UHRF2: variants seen among roughly 807,000 people sequenced by gnomAD.
UHRF2 encodes the protein E3 ubiquitin-protein ligase UHRF2.
Under a neutral mutation model 96.8 loss-of-function variants are expected in UHRF2, and 23 were observed. That is an observed-to-expected ratio of 0.24 (90% CI 0.17 to 0.34). The LOEUF is 0.34. UHRF2 is among the 10% of genes least tolerant of loss of function. The pLI is 1.00. For synonymous variants in UHRF2, 385 were observed against 332.6 expected, an observed-to-expected ratio of 1.16 and a Z score of -1.72; for missense variants, 685 against 981.5, an observed-to-expected ratio of 0.70 and a Z score of 4.04.
At chr9:6,419,055 TA>T (rs1819772791) in intron 1 of UHRF2, among the ~76,000 whole-genome samples, 2 of 152,252 alleles carry the variant, frequency 1.3e-5, no homozygotes, top group Admixed American at 1.3e-4. Flanking sequence ...ACACTAGCCA[TA>T]TTGGATTAGG....
chr9:6,452,134 C>T (rs1821911447), intron 3 of UHRF2, among the ~76,000 whole-genome samples: 1 of 151,714 alleles, frequency 6.6e-6, no homozygotes, highest in Non-Finnish European at 1.5e-5. Flanking sequence ...GTATGTTTCT[C>T]ATTTCTTTTT....
intron 3 of UHRF2, among the ~76,000 whole-genome samples, chr9:6,446,465 G>A (rs11795048): frequency 6.6e-6 from 1 of 151,670 alleles, no homozygotes; most frequent in South Asian, 2.1e-4. Context: ...ATTTTTAGTA[G>A]AAGCAGGGTT....
chr9:6,443,969 A>G (rs1024060829), intron 3 of UHRF2, among the ~76,000 whole-genome samples: 1 of 152,264 alleles, frequency 6.6e-6, no homozygotes, highest in African/African-American at 2.4e-5. Flanking sequence ...TCAGTGAGCC[A>G]ATTCTGAATA....
chr9:6,474,469 G>T (rs928355949), intron 4 of UHRF2, among the ~76,000 whole-genome samples: 11 of 152,170 alleles, frequency 7.2e-5, no homozygotes, highest in Admixed American at 3.9e-4. Flanking sequence ...ACTTTGGGAG[G>T]CCGAGGCGGG....
intron 3 of UHRF2, among the ~76,000 whole-genome samples, chr9:6,445,256 G>T (rs948937902): frequency 2.0e-5 from 3 of 150,682 alleles, no homozygotes; most frequent in African/African-American, 7.4e-5. Context: ...TATTTGACCT[G>T]TGTTATTTAT....
Position 6,436,125 on chromosome 9 carries a change from C to G in UHRF2, c.644+1952C>G, listed in dbSNP as rs549881660. Among the ~76,000 whole-genome samples the G allele has an allele frequency of 5.3e-5, 8 of 152,288 alleles. No individual in the cohort carries two copies. In the South Asian group the frequency reaches 1.7e-3, roughly 32 times the overall value. ...ATGGAAAATATTATGCTACCAAATT[C>G]TTAACAAGTACGAGTTAGAAATCCT... On this transcript the variant is annotated intron_variant, in intron 3 of 15. Transcript: ENST00000276893.
chr9:6,461,775 C>T (rs1427707788), intron 4 of UHRF2, among the ~76,000 whole-genome samples: 1 of 152,110 alleles, frequency 6.6e-6, no homozygotes, highest in African/African-American at 2.4e-5. Flanking sequence ...AACATTATCA[C>T]TCTTTTTCTG....
chr9:6,443,470 A>G (rs111760514), intron 3 of UHRF2, among the ~76,000 whole-genome samples: 1 of 152,220 alleles, frequency 6.6e-6, no homozygotes, highest in Non-Finnish European at 1.5e-5. Context: ...ACTCTACCAT[A>G]CTACCTCTCA....
rs1825170824 is a variant in UHRF2, at chr9:6,499,781, C to G, written c.1909-54C>G. On this transcript the variant is annotated intron_variant, in intron 12 of 15. Coordinates refer to ENST00000276893, the MANE Select transcript of UHRF2 (RefSeq NM_152896.3). The stretch of plus-strand genomic sequence containing the variant: ...ATTTCTCACCAGGATCTAAACCCCC[C>G]TTCTCTGTGAAGCTTAAATCTGCAT... 7 of 1,255,880 alleles carry G rather than the reference C, an allele frequency of 5.6e-6. No individual in the cohort carries two copies. In the South Asian group the frequency reaches 9.4e-5, roughly 17 times the overall value. The allele number at this position is 1,255,880 out of a possible 1,614,324, so 77.8% of individuals were successfully genotyped here. A position where few individuals can be genotyped will look rare whatever the true frequency, so the allele number is the denominator to read the frequency against.
chr9:6,499,157 G>A (rs1487020182), intron 12 of UHRF2: 4 of 152,202 alleles, frequency 2.6e-5, no homozygotes, highest in Non-Finnish European at 5.9e-5. Flanking sequence ...AAGCATGTGA[G>A]CCCATCTGCT....
chr9:6,424,376 AATTAAG>A (rs1018021836), intron 2 of UHRF2, among the ~76,000 whole-genome samples: 38 of 77,932 alleles, frequency 4.9e-4, no homozygotes, highest in Non-Finnish European at 8.0e-4. Context: ...TAGTGGTCAC[AATTAAG>A]AGAGAATTTT....
At chr9:6,422,947 C>T (rs1430561283) in intron 2 of UHRF2, 1 of 316,340 alleles carries the variant, frequency 3.2e-6, no homozygotes, top group African/African-American at 2.1e-5. Context: ...TAACCAGCAA[C>T]CTTTTCAAAT....
At chr9:6,489,575 C>A (rs923502870) in intron 9 of UHRF2, among the ~76,000 whole-genome samples, 2 of 152,174 alleles carry the variant, frequency 1.3e-5, no homozygotes, top group Non-Finnish European at 2.9e-5. Context: ...CACCAGCATT[C>A]GCTGTTGTTG....
chr9:6,445,998 T>TTTTTTTTTTTTTTTTTTTTTTTTTTTTC (rs772184475), intron 3 of UHRF2, among the ~76,000 whole-genome samples: 1 of 129,870 alleles, frequency 7.7e-6, no homozygotes. Context: ...TTTTTTTTTT[T>TTTTTTTTTTTTTTTTTTTTTTTTTTTTC]TTCCTGTTTT....
At chr9:6,415,693 A>ACTCC (rs1353768447) in intron 1 of UHRF2, 6 of 151,952 alleles carry the variant, frequency 3.9e-5, no homozygotes, top group African/African-American at 1.5e-4. Context: ...CGCCCCCCAT[A>ACTCC]CTCCATTCGT....
Position 6,499,720 on chromosome 9 carries a change from C to T in UHRF2, c.1909-115C>T, listed in dbSNP as rs558601460. The stretch of plus-strand genomic sequence containing the variant: ...TCTGTTTCTTTTATGTAAAGTTTTT[C>T]AGTTTGGGGAACGTGTAGTCTTCCC... On this transcript the variant is annotated intron_variant, in intron 12 of 15. Coordinates refer to ENST00000276893, the MANE Select transcript of UHRF2 (RefSeq NM_152896.3). 3.8e-4 allele frequency: 206 copies of T among 541,978 alleles called. 4 individuals carry two copies. The South Asian group carries it at 4.0e-3, about 11-fold the overall frequency. 33.6% of individuals were successfully genotyped at this position (541,978 alleles called of 1,614,324 possible).
At chr9:6,498,250 A>C in intron 12 of UHRF2, 92 bp downstream of exon 12, 2 of 1,356,428 alleles carry the variant, frequency 1.5e-6, no homozygotes, top group Non-Finnish European at 9.9e-7. Context: ...AACCCACAGC[A>C]ATTGACTGGT....
chr9:6,476,071 C>T (rs137991560), intron 5 of UHRF2, among the ~76,000 whole-genome samples: 6 of 152,174 alleles, frequency 3.9e-5, no homozygotes, highest in Non-Finnish European at 7.4e-5. Context: ...CATCATCATT[C>T]TATTCTCCAC....
chr9:6,463,192 A>T (rs1822653246), intron 4 of UHRF2, among the ~76,000 whole-genome samples: 1 of 151,980 alleles, frequency 6.6e-6, no homozygotes, highest in Non-Finnish European at 1.5e-5. Context: ...GAGGCAGGAG[A>T]ATCACTTGAA....
Sources: allele counts gnomAD v4.1 joint callset (sites outside exome capture counted in the v4.1 genomes callset), GRCh38; gene constraint gnomAD v4.1.1; transcripts MANE v1.5; gene names NCBI Gene and HGNC (gene_info 2026-07-23, HGNC 2026-07-21).